Variants in NELL1 observed in about 807,000 individuals in gnomAD.
NELL1 encodes neural EGFL like 1.
Under a neutral mutation model 107.4 loss-of-function variants are expected in NELL1, and 76 were observed. That is an observed-to-expected ratio of 0.71 (90% CI 0.59 to 0.86). NELL1 has a LOEUF of 0.86. Among genes scored for constraint, NELL1 ranks in the 40% least tolerant of loss-of-function variants. The probability of loss-of-function intolerance (pLI) is 0.00; values close to 1 mark genes in which losing one functional copy is unlikely to be tolerated. For synonymous variants in NELL1, 353 were observed against 341.2 expected (o/e 1.03, Z -0.38); for missense variants, 1,024 against 1,005.5 (o/e 1.02, Z -0.25).
chr11:21,522,821 A>ATT (rs202136380), intron 15 of NELL1, among the ~76,000 whole-genome samples: 5 of 94,218 alleles, frequency 5.3e-5, no homozygotes, highest in South Asian at 3.2e-4. Flanking sequence ...CTTGAATCCT[A>ATT]TTTTTTTCTT....
intron 4 of NELL1, among the ~76,000 whole-genome samples, chr11:20,870,717 G>A (rs1035972589): frequency 1.3e-5 from 2 of 152,198 alleles, no homozygotes; most frequent in African/African-American, 2.4e-5. Context: ...ACAGCTGGCA[G>A]TTACTATTGA....
At chr11:20,943,119 A>G (rs2134193241) in intron 10 of NELL1, among the ~76,000 whole-genome samples, 1 of 151,474 alleles carries the variant, frequency 6.6e-6, no homozygotes, top group South Asian at 2.1e-4. Flanking sequence ...TTGCACAGGT[A>G]GTGTGTGTGT....
At chr11:20,711,680 T>C (rs1259381420) in intron 2 of NELL1, among the ~76,000 whole-genome samples, 1 of 151,948 alleles carries the variant, frequency 6.6e-6, no homozygotes, top group Non-Finnish European at 1.5e-5. Context: ...CTGATAATTA[T>C]TTTTTTTCAG....
chr11:21,441,330 CGTGTGTGTGTGTGTGT>C (rs201892977), intron 15 of NELL1, among the ~76,000 whole-genome samples: 22 of 140,150 alleles, frequency 1.6e-4, no homozygotes, highest in Middle Eastern at 3.4e-3. Context: ...GAGGCTGTGA[CGTGTGTGTGTGTGTGT>C]GTGTGTGTGT....
intron 15 of NELL1, among the ~76,000 whole-genome samples, chr11:21,510,118 G>A (rs1855396021): frequency 1.3e-5 from 2 of 152,166 alleles, no homozygotes; most frequent in African/African-American, 4.8e-5. Flanking sequence ...AGGACTGTAG[G>A]GTAGGCGGGG....
At chr11:21,133,406 A>G (rs1244928797) in intron 13 of NELL1, among the ~76,000 whole-genome samples, 1 of 151,956 alleles carries the variant, frequency 6.6e-6, no homozygotes, top group Non-Finnish European at 1.5e-5. Context: ...TTCACCAGGG[A>G]CCCACCACTT....
intron 12 of NELL1, among the ~76,000 whole-genome samples, chr11:21,022,937 G>A (rs1852734144): frequency 6.6e-6 from 1 of 151,982 alleles, no homozygotes; most frequent in African/African-American, 2.4e-5. Flanking sequence ...AGGACCCTAG[G>A]GGCTGTGATA....
chr11:21,251,326 A>T (rs1317408490), intron 14 of NELL1, among the ~76,000 whole-genome samples: 1 of 152,104 alleles, frequency 6.6e-6, no homozygotes, highest in Non-Finnish European at 1.5e-5. Flanking sequence ...GGGCATTCAG[A>T]TCCTCTATTC....
chr11:20,967,404 G>A (rs1851408350), intron 12 of NELL1, among the ~76,000 whole-genome samples: 1 of 151,694 alleles, frequency 6.6e-6, no homozygotes, highest in Admixed American at 6.6e-5. Context: ...CATGATCTAT[G>A]TAGCACCACG....
At chr11:20,783,644 C>A in intron 2 of NELL1, 36 bp from the exon 3 acceptor site, 1 of 1,547,314 alleles carries the variant, frequency 6.5e-7, no homozygotes, top group Non-Finnish European at 8.9e-7. Flanking sequence ...CTCTTCTCCT[C>A]TCCTGTTTCC....
intron 15 of NELL1, among the ~76,000 whole-genome samples, chr11:21,390,963 G>C (rs942156804): frequency 6.6e-6 from 1 of 151,136 alleles, no homozygotes; most frequent in Non-Finnish European, 1.5e-5. Flanking sequence ...TGAATCTCCT[G>C]TTCCTGAATC....
At chr11:20,968,716 C>T (rs374583711) in intron 12 of NELL1, among the ~76,000 whole-genome samples, 1 of 152,144 alleles carries the variant, frequency 6.6e-6, no homozygotes, top group South Asian at 2.1e-4. Context: ...AATGGATGTT[C>T]CAGCTTAACA....
At chr11:20,966,193 TAAG>T (rs1489264076) in intron 12 of NELL1, among the ~76,000 whole-genome samples, 1 of 152,088 alleles carries the variant, frequency 6.6e-6, no homozygotes, top group African/African-American at 2.4e-5. Flanking sequence ...TGCTGGAGGC[TAAG>T]AAGTCCAAAA....
chr11:20,903,258 C>T (rs1036832773), intron 5 of NELL1, among the ~76,000 whole-genome samples: 1 of 152,006 alleles, frequency 6.6e-6, no homozygotes, highest in Non-Finnish European at 1.5e-5. Flanking sequence ...TAAAACTGAA[C>T]TCACATTCAA....
At chr11:20,690,679 A>T (rs1854439556) in intron 2 of NELL1, among the ~76,000 whole-genome samples, 1 of 151,886 alleles carries the variant, frequency 6.6e-6, no homozygotes, top group African/African-American at 2.4e-5. Context: ...TGTTTTGGTT[A>T]CCGTAGCCTT....
chr11:20,892,181 C>T (rs569347488), intron 5 of NELL1, among the ~76,000 whole-genome samples: 2 of 152,252 alleles, frequency 1.3e-5, no homozygotes, highest in South Asian at 2.1e-4. Context: ...GATCACGGTG[C>T]GATCAAATTA....
intron 15 of NELL1, among the ~76,000 whole-genome samples, chr11:21,508,224 A>C (rs1012508891): frequency 6.6e-6 from 1 of 152,200 alleles, no homozygotes; most frequent in Non-Finnish European, 1.5e-5. Flanking sequence ...ATGTTTCTGA[A>C]AATAAAATAA....
chr11:21,132,458 G>A (rs895937152), intron 13 of NELL1, among the ~76,000 whole-genome samples: 3 of 152,276 alleles, frequency 2.0e-5, no homozygotes, highest in Non-Finnish European at 2.9e-5. Flanking sequence ...GGTACAGAGC[G>A]GTGAGGGATG....
chr11:20,838,346 G>A (rs1848568468), intron 3 of NELL1, among the ~76,000 whole-genome samples: 1 of 149,156 alleles, frequency 6.7e-6, no homozygotes, highest in African/African-American at 2.5e-5. Context: ...TAGCATCCTA[G>A]ATAAGAGTGT....
Sources: allele counts gnomAD v4.1 joint callset (sites outside exome capture counted in the v4.1 genomes callset), GRCh38; gene constraint gnomAD v4.1.1; transcripts MANE v1.5; gene names NCBI Gene and HGNC (gene_info 2026-07-23, HGNC 2026-07-21).